BMP6: variants seen among roughly 807,000 people sequenced by gnomAD.
BMP6 encodes the protein bone morphogenetic protein 6.
BMP6 carries 17 observed loss-of-function variants against 54.1 expected under a neutral mutation model. The ratio of observed to expected loss-of-function variants is 0.31; its 90% CI spans 0.22 to 0.47. The LOEUF is 0.47. Among genes scored for constraint, BMP6 ranks in the 20% least tolerant of loss-of-function variants. The pLI is 1.00. For synonymous variants in BMP6, 328 were observed against 291.2 expected (o/e 1.13, Z -1.28); for missense variants, 720 against 690.4 (o/e 1.04, Z -0.48).
At chr6:7,746,966 C>T (rs1241948777) in intron 1 of BMP6, among the ~76,000 whole-genome samples, 2 of 152,202 alleles carry the variant, frequency 1.3e-5, no homozygotes, top group African/African-American at 4.8e-5. Context: ...AGAGAGCTGT[C>T]ATCTCCTGGG....
intron 1 of BMP6, among the ~76,000 whole-genome samples, chr6:7,765,303 A>T (rs1757670710): frequency 6.6e-6 from 1 of 152,226 alleles, no homozygotes; most frequent in Non-Finnish European, 1.5e-5. Flanking sequence ...GACCACATTT[A>T]TTATTTTATT....
At chr6:7,848,927 A>C (rs1759105344) in intron 2 of BMP6, among the ~76,000 whole-genome samples, 1 of 152,178 alleles carries the variant, frequency 6.6e-6, no homozygotes, top group African/African-American at 2.4e-5. Flanking sequence ...ATATTTTCTC[A>C]TTAGGGTTTT....
rs960585737 is a variant in BMP6 at position 7,861,618 on chromosome 6, G to A, written c.1006+19G>A. On this transcript the variant is annotated intron_variant, in intron 3 of 6. Transcript: ENST00000283147. ...AGGGATGGTAAGTTATTATCCGCAA[G>A]CCTCCAACGTCCAGCAAGTCATCAG... The A allele has an allele frequency of 2.5e-6, 4 of 1,613,148 alleles. No homozygotes were observed. The African/African-American group carries it at 4.0e-5, about 16-fold the overall frequency.
chr6:7,764,383 G>C (rs1207052757), intron 1 of BMP6, among the ~76,000 whole-genome samples: 1 of 152,112 alleles, frequency 6.6e-6, no homozygotes, highest in Non-Finnish European at 1.5e-5. Flanking sequence ...GAAACTCACG[G>C]GTCCAGCAGC....
chr6:7,823,736 A>G lies in BMP6; in HGVS notation c.665-21404A>G, dbSNP rs76323941. Among the ~76,000 whole-genome samples, 160 of 152,316 alleles carry G rather than the reference A, an allele frequency of 1.1e-3. 4 individuals carry two copies. The East Asian group carries it at 0.028, about 27-fold the overall frequency. ...AGAGCATCTGCACTGAGGAAATAGC[A>G]TGTGCAAAGGTCCTGTGGCAGGAGA... is the stretch of plus-strand genomic sequence containing the variant. On this transcript the variant is annotated intron_variant, in intron 1 of 6. Coordinates refer to ENST00000283147, the MANE Select transcript of BMP6 (RefSeq NM_001718.6).
rs372116106 is a variant in BMP6, at chr6:7,880,176, C to T, written c.1393-18C>T. On this transcript the variant is annotated intron_variant, in intron 6 of 6. Coordinates refer to ENST00000283147, the MANE Select transcript of BMP6 (RefSeq NM_001718.6). ...GTGTCATTTCTAAGGTACCTTCTCCCCTTCTGTTTTGGAACAGGTTCACCT... is the reference window on the plus strand; with the variant it reads ...GTGTCATTTCTAAGGTACCTTCTCCTCTTCTGTTTTGGAACAGGTTCACCT... 1 of 1,614,080 alleles carries T rather than the reference C, an allele frequency of 6.2e-7. No homozygotes were observed. Among genetic ancestry groups the T allele is most frequent in the Non-Finnish European group, 8.5e-7 (1 of 1,179,992 alleles).
intron 1 of BMP6, among the ~76,000 whole-genome samples, chr6:7,815,089 T>G (rs1226067175): frequency 6.6e-6 from 1 of 152,216 alleles, no homozygotes; most frequent in African/African-American, 2.4e-5. Flanking sequence ...CTTGTAAGAT[T>G]ATTCTTCCTT....
chr6:7,863,903 C>G (rs1370605712), intron 4 of BMP6, among the ~76,000 whole-genome samples: 1 of 151,998 alleles, frequency 6.6e-6, no homozygotes, highest in Non-Finnish European at 1.5e-5. Context: ...GCCTGTAATC[C>G]CAGCTACTTG....
At chr6:7,808,434 A>G (rs1324171417) in intron 1 of BMP6, among the ~76,000 whole-genome samples, 11 of 152,148 alleles carry the variant, frequency 7.2e-5, no homozygotes, top group African/African-American at 2.7e-4. Context: ...AAACTTAACA[A>G]AACCAATCGC....
At position 7,727,071 on chromosome 6, in the gene BMP6, C is replaced by CCGGGGGGCAGCTGCTGGGGGA. The variant is rs1191925090; in HGVS notation, c.120_140dup (p.Gln42_Gly48dup). 8.1e-7 allele frequency: 1 copy of CCGGGGGGCAGCTGCTGGGGGA among 1,234,346 alleles called. No individual in the cohort carries two copies. The highest frequency in any genetic ancestry group is 1.6e-5 in the African/African-American group (1 of 63,410). 76.5% of individuals were successfully genotyped at this position (1,234,346 alleles called of 1,614,324 possible). A position where few individuals can be genotyped will look rare whatever the true frequency, so the allele number is the denominator to read the frequency against. On this transcript the variant is annotated inframe_insertion, in exon 1 of 7. Transcript: ENST00000283147. ...TTGCCCGCTGCCGCGGCCGCCGCCG[C>CCGGGGGGCAGCTGCTGGGGGA]CGGGGGGCAGCTGCTGGGGGACGGC...
At chr6:7,833,643 T>C (rs1758825577) in intron 1 of BMP6, among the ~76,000 whole-genome samples, 1 of 152,192 alleles carries the variant, frequency 6.6e-6, no homozygotes. Flanking sequence ...CTTCACTGCT[T>C]TTGGCCTCAG....
At chr6:7,792,140 C>T (rs1176543297) in intron 1 of BMP6, among the ~76,000 whole-genome samples, 2 of 152,140 alleles carry the variant, frequency 1.3e-5, no homozygotes, top group African/African-American at 2.4e-5. Context: ...TAAACTCAGG[C>T]GGGAGGTGAT....
At position 7,783,208 on chromosome 6, in the gene BMP6, T is replaced by G. The variant is rs112003781; in HGVS notation, c.664+55589T>G. Among the ~76,000 whole-genome samples, 802 of 152,232 alleles carry G rather than the reference T, an allele frequency of 5.3e-3. 11 individuals carry two copies. The highest frequency in any genetic ancestry group is 0.018 in the African/African-American group (756 of 41,518). ...GTGAGATCTGAGTGTATGTAAATAC[T>G]CCCCGGGAAGGAACCAGTGGAGACA... is the stretch of plus-strand genomic sequence containing the variant. On this transcript the variant is annotated intron_variant, in intron 1 of 6. Coordinates refer to ENST00000283147, the MANE Select transcript of BMP6 (RefSeq NM_001718.6).
At chr6:7,821,651 C>T (rs191587950) in intron 1 of BMP6, among the ~76,000 whole-genome samples, 2,078 of 115,390 alleles carry the variant, frequency 0.018, 49 homozygotes, top group African/African-American at 0.077. Flanking sequence ...GAGTAAGTTA[C>T]TTTCTTCTTT....
rs534987980 is a variant in BMP6 at position 7,859,682 on chromosome 6, C to T, written c.858-1769C>T. The stretch of plus-strand genomic sequence containing the variant: ...GTTTTCCATGGACACCCCCCGCACC[C>T]CCCGCAATCTCCCTGCTCACAGTTG... On this transcript the variant is annotated intron_variant, in intron 2 of 6. Coordinates refer to ENST00000283147, the MANE Select transcript of BMP6 (RefSeq NM_001718.6). Among the ~76,000 whole-genome samples, 3 of 152,220 alleles carry T rather than the reference C, an allele frequency of 2.0e-5. No individual in the cohort carries two copies. The South Asian group carries it at 6.2e-4, about 32-fold the overall frequency.
At chr6:7,767,018 G>A (rs377446453) in intron 1 of BMP6, among the ~76,000 whole-genome samples, 5 of 140,644 alleles carry the variant, frequency 3.6e-5, no homozygotes, top group African/African-American at 8.1e-5. Flanking sequence ...ACGGAGTCTC[G>A]CTCTGTCACC....
At chr6:7,849,259 G>A (rs2113259864) in intron 2 of BMP6, among the ~76,000 whole-genome samples, 1 of 152,282 alleles carries the variant, frequency 6.6e-6, no homozygotes, top group Non-Finnish European at 1.5e-5. Flanking sequence ...CTGGTACTTT[G>A]ATGTCTAAGG....
intron 1 of BMP6, among the ~76,000 whole-genome samples, chr6:7,793,790 C>T (rs568268716): frequency 2.0e-5 from 3 of 152,188 alleles, no homozygotes; most frequent in Non-Finnish European, 2.9e-5. Flanking sequence ...AAGTGAGAGG[C>T]GTGTGACCAT....
At chr6:7,822,172 C>T (rs986861957) in intron 1 of BMP6, among the ~76,000 whole-genome samples, 4 of 152,134 alleles carry the variant, frequency 2.6e-5, no homozygotes, top group Non-Finnish European at 5.9e-5. Flanking sequence ...AGTCATGCGC[C>T]AGCATGCCCA....
Sources: allele counts gnomAD v4.1 joint callset (sites outside exome capture counted in the v4.1 genomes callset), GRCh38; gene constraint gnomAD v4.1.1; transcripts MANE v1.5; gene names NCBI Gene and HGNC (gene_info 2026-07-23, HGNC 2026-07-21).